PRDM10: variants seen among roughly 807,000 people sequenced by gnomAD.
PRDM10 encodes PR domain zinc finger protein 10.
Under a neutral mutation model 133.1 loss-of-function variants are expected in PRDM10, and 65 were observed. That is an observed-to-expected ratio of 0.49 (90% CI 0.40 to 0.60). PRDM10 has a LOEUF of 0.60. Among genes scored for constraint, PRDM10 ranks in the 20% least tolerant of loss-of-function variants. The pLI is 0.00. For synonymous variants in PRDM10, 582 were observed against 580.4 expected (o/e 1.00, Z -0.04); for missense variants, 1,137 against 1,507.1 (o/e 0.75, Z 4.07).
chr11:129,903,337 A>G (rs1949903575), intron 20 of PRDM10, among the ~76,000 whole-genome samples: 1 of 138,838 alleles, frequency 7.2e-6, no homozygotes, highest in African/African-American at 2.8e-5. Context: ...TAATAATAAT[A>G]ATAAATGGTT....
chr11:129,953,860 T>C (rs1374651515), intron 4 of PRDM10, among the ~76,000 whole-genome samples: 2 of 146,018 alleles, frequency 1.4e-5, no homozygotes, highest in Admixed American at 6.8e-5. Flanking sequence ...ATAATCTACA[T>C]GTAAAATAAT....
intron 1 of PRDM10, among the ~76,000 whole-genome samples, chr11:129,991,851 C>T (rs1430713066): frequency 6.7e-6 from 1 of 149,288 alleles, no homozygotes; most frequent in East Asian, 2.0e-4. Context: ...GGCCTGGTGG[C>T]GGGTGCCTGT....
chr11:129,952,633 C>T (rs926337210), intron 4 of PRDM10, among the ~76,000 whole-genome samples: 3 of 152,130 alleles, frequency 2.0e-5, no homozygotes, highest in Admixed American at 6.5e-5. Flanking sequence ...CTTCCCACCT[C>T]AGCCTCCCGA....
chr11:129,931,733 ATT>A (rs551585039), intron 10 of PRDM10, among the ~76,000 whole-genome samples: 1 of 151,224 alleles, frequency 6.6e-6, no homozygotes, highest in East Asian at 2.0e-4. Flanking sequence ...CACCCAGCTA[ATT>A]TTTTTTGTAT....
chr11:129,912,795 C>T (rs1950231187), intron 17 of PRDM10, among the ~76,000 whole-genome samples: 1 of 148,772 alleles, frequency 6.7e-6, no homozygotes, highest in Non-Finnish European at 1.5e-5. Context: ...TGCAGTGGCT[C>T]ACCCCTGTAA....
At chr11:129,916,523 A>G (rs1950363105) in intron 15 of PRDM10, among the ~76,000 whole-genome samples, 1 of 152,214 alleles carries the variant, frequency 6.6e-6, no homozygotes, top group Non-Finnish European at 1.5e-5. Context: ...CTGTAATCCC[A>G]GCTACTCCAG....
chr11:129,962,841 A>G (rs61597594), intron 1 of PRDM10, among the ~76,000 whole-genome samples: 2,464 of 152,236 alleles, frequency 0.016, 63 homozygotes, highest in African/African-American at 0.051. Context: ...TTATTTAAAG[A>G]AACAAAAGGT....
At chr11:129,904,923 A>G (rs920676015) in intron 20 of PRDM10, among the ~76,000 whole-genome samples, 4 of 152,240 alleles carry the variant, frequency 2.6e-5, no homozygotes, top group Non-Finnish European at 5.9e-5. Flanking sequence ...TACCTGCCCA[A>G]CTTAGATAAT....
At chr11:129,921,946 C>T (rs1950534296) in intron 13 of PRDM10, among the ~76,000 whole-genome samples, 1 of 152,190 alleles carries the variant, frequency 6.6e-6, no homozygotes, top group Non-Finnish European at 1.5e-5. Context: ...CTTCCTGGGC[C>T]CCTCTGCAGG....
At chr11:129,969,424 T>C in intron 1 of PRDM10, among the ~76,000 whole-genome samples, 1 of 152,172 alleles carries the variant, frequency 6.6e-6, no homozygotes, top group Non-Finnish European at 1.5e-5. Context: ...CTTACAGCTT[T>C]TGGCAATTTG....
Position 129,901,080 on chromosome 11 carries a change from T to C in PRDM10, c.*1233A>G, listed in dbSNP as rs1949832019. 1 of 152,606 alleles carries C rather than the reference T, an allele frequency of 6.6e-6. No homozygotes were observed. Among genetic ancestry groups the C allele is most frequent in the Non-Finnish European group, 1.5e-5 (1 of 68,028 alleles). The allele number at this position is 152,606 out of a possible 1,614,324, so 9.5% of individuals were successfully genotyped here. On this transcript the variant is annotated 3_prime_UTR_variant, in exon 21 of 21. Transcript: ENST00000360871. ...GTTAGCATGTCACAAAAAGTTAAAA[T>C]ATATACTGATTTTTTAATGCCCAAC... is the stretch of plus-strand genomic sequence containing the variant.
At chr11:129,916,293 A>G (rs1950354488) in intron 15 of PRDM10, among the ~76,000 whole-genome samples, 1 of 152,238 alleles carries the variant, frequency 6.6e-6, no homozygotes, top group Non-Finnish European at 1.5e-5. Flanking sequence ...ACTGCTATCT[A>G]TAGTGGGGAA....
At chr11:129,909,279 G>A (rs113653560) in intron 19 of PRDM10, among the ~76,000 whole-genome samples, 7 of 151,460 alleles carry the variant, frequency 4.6e-5, no homozygotes, top group South Asian at 2.1e-4. Flanking sequence ...GTGAAACCCC[G>A]TCTCTACTAA....
In PRDM10 at chr11:129,923,171, G is replaced by A. The variant is rs1950565068; in HGVS notation, c.2034+77C>T. The A allele has an allele frequency of 7.0e-7, 1 of 1,438,228 alleles. No individual in the cohort carries two copies. Among genetic ancestry groups the A allele is most frequent in the African/African-American group, 1.4e-5 (1 of 69,434 alleles). The allele number at this position is 1,438,228 out of a possible 1,614,324, so 89.1% of individuals were successfully genotyped here. On this transcript the variant is annotated intron_variant, in intron 13 of 20. Transcript: ENST00000360871. This position sits in a 1 kb window ranked among gnomAD's most constrained non-coding sequence, Gnocchi z 4.4. ...GAGGTGGGTGATAAACTGATGAAAT[G>A]AACAGGCATTTACCCTCAGCTTGCT... is the stretch of plus-strand genomic sequence containing the variant.
chr11:129,977,177 C>T (rs1937806156), intron 1 of PRDM10, among the ~76,000 whole-genome samples: 3 of 151,776 alleles, frequency 2.0e-5, no homozygotes, highest in Admixed American at 2.0e-4. Flanking sequence ...AGCACAGTGC[C>T]CCTCTTATCG....
At position 129,923,204 on chromosome 11, in the gene PRDM10, C is replaced by A. The variant is rs949332204; in HGVS notation, c.2034+44G>T. On this transcript the variant is annotated intron_variant, in intron 13 of 20. Transcript: ENST00000360871. This position sits in a 1 kb window ranked among gnomAD's most constrained non-coding sequence, Gnocchi z 4.4. ...ATTTACCCTCAGCTTGCTATAATTC[C>A]AGTGGCCACGAGAACCACCTTGGGC... The A allele has an allele frequency of 4.6e-6, 7 of 1,514,022 alleles. No individual in the cohort carries two copies. Among genetic ancestry groups the A allele is most frequent in the Non-Finnish European group, 6.2e-6 (7 of 1,127,414 alleles). The allele number at this position is 1,514,022 out of a possible 1,614,324, so 93.8% of individuals were successfully genotyped here. A position where few individuals can be genotyped will look rare whatever the true frequency, so the allele number is the denominator to read the frequency against.
At position 129,931,050 on chromosome 11, in the gene PRDM10, G is replaced by C; in HGVS notation, c.1496C>G (p.Thr499Arg). The C allele has an allele frequency of 6.2e-7, 1 of 1,614,050 alleles. No homozygotes were observed. The highest frequency in any genetic ancestry group is 8.5e-7 in the Non-Finnish European group (1 of 1,179,968). ...ESVVPTQSTL[T>R]ADDMRRAKRI... ...CTTGGCTCTGCGCATGTCGTCGGCT[G>C]TCAGCGTGCTCTGGGTGGGCACCAC... is the stretch of plus-strand genomic sequence containing the variant. Residue 499 changes from threonine (T) to arginine (R), a missense_variant, in exon 11 of 21, where the codon ACA becomes AGA. Thr to Arg is a moderately conservative substitution (Grantham distance 71). Around this residue, in one of 6 missense-constraint regions of PRDM10, gnomAD observed 635 missense variants for 835.2 expected, o/e 0.76. Coordinates refer to ENST00000360871, the MANE Select transcript of PRDM10 (RefSeq NM_199437.2).
intron 11 of PRDM10, among the ~76,000 whole-genome samples, chr11:129,926,646 G>T (rs182486154): frequency 5.9e-5 from 9 of 152,060 alleles, no homozygotes. Flanking sequence ...TTCTCTAACC[G>T]GGCTAGGAGA....
chr11:129,924,761 G>T, intron 12 of PRDM10, 121 bp downstream of exon 12: 1 of 825,320 alleles, frequency 1.2e-6, no homozygotes, highest in Non-Finnish European at 1.9e-6. Context: ...GTTCTCAATT[G>T]TAAAGTTGTT....
Sources: allele counts gnomAD v4.1 joint callset (sites outside exome capture counted in the v4.1 genomes callset), GRCh38; gene constraint gnomAD v4.1.1; regional missense constraint gnomAD v4.1.1; non-coding constraint Gnocchi (gnomAD v3.1); transcripts MANE v1.5; gene names NCBI Gene and HGNC (gene_info 2026-07-23, HGNC 2026-07-21).